LGR5: variants seen among roughly 807,000 people sequenced by gnomAD.
LGR5 encodes leucine-rich repeat-containing G protein-coupled receptor 5.
LGR5 carries 54 observed loss-of-function variants against 76.7 expected under a neutral mutation model. That is an observed-to-expected ratio of 0.70 (90% CI 0.57 to 0.88). The LOEUF (loss-of-function observed/expected upper bound fraction) is 0.88. Among genes scored for constraint, LGR5 ranks in the 40% least tolerant of loss-of-function variants. LGR5 has a pLI of 0.00. For synonymous variants in LGR5, 406 were observed against 421.9 expected (o/e 0.96, Z 0.46); for missense variants, 1,078 against 1,073.3 (o/e 1.00, Z -0.06).
chr12:71,473,936 G>A (rs1414412427), intron 1 of LGR5, among the ~76,000 whole-genome samples: 1 of 152,056 alleles, frequency 6.6e-6, no homozygotes, highest in Non-Finnish European at 1.5e-5. Context: ...TGCAACTTCA[G>A]CCTCTTAAAA....
intron 15 of LGR5, among the ~76,000 whole-genome samples, chr12:71,579,675 C>A (rs538191257): frequency 6.6e-6 from 1 of 152,140 alleles, no homozygotes; most frequent in East Asian, 1.9e-4. Context: ...TTTTAAAATG[C>A]CCAATTAAAT....
Position 71,504,622 on chromosome 12 carries a change from G to A in LGR5, c.221G>A (p.Ser74Asn), listed in dbSNP as rs760919653. 3 of 1,613,920 alleles carry A rather than the reference G, an allele frequency of 1.9e-6. No homozygotes were observed. The highest frequency in any genetic ancestry group is 2.2e-5 in the South Asian group (2 of 91,084). Residue 74 changes from serine (S) to asparagine (N), a missense_variant, in exon 2 of 18, where the codon AGT becomes AAT. Transcript: ENST00000266674. ...TCTGTTTTCCCCCCCAGAGACCTCA[G>A]TATGAACAACATCAGTCAGCTGCTC... ...LSVFTSYLDL[S>N]MNNISQLLPN...
intron 1 of LGR5, among the ~76,000 whole-genome samples, chr12:71,469,250 T>C (rs1565666833): frequency 6.6e-6 from 1 of 152,242 alleles, no homozygotes; most frequent in Non-Finnish European, 1.5e-5. Context: ...GGTAAAAATC[T>C]GAATGCAATT....
intron 2 of LGR5, among the ~76,000 whole-genome samples, chr12:71,511,235 GC>G (rs529639083): frequency 2.0e-4 from 31 of 152,296 alleles, no homozygotes; most frequent in African/African-American, 7.2e-4. Context: ...GATCTCTTTT[GC>G]CTTTGATTGC....
At chr12:71,469,223 A>G (rs1460542254) in intron 1 of LGR5, among the ~76,000 whole-genome samples, 1 of 152,242 alleles carries the variant, frequency 6.6e-6, no homozygotes, top group Non-Finnish European at 1.5e-5. Context: ...GATTATATTT[A>G]AAACATTTCT....
At chr12:71,483,901 T>C (rs1453150125) in intron 1 of LGR5, among the ~76,000 whole-genome samples, 1 of 152,124 alleles carries the variant, frequency 6.6e-6, no homozygotes, top group Non-Finnish European at 1.5e-5. Context: ...GGATGAATGA[T>C]AGGATGATGT....
rs1004004230 is a variant in LGR5 at position 71,440,855 on chromosome 12, C to T, written c.212+563C>T. ...CCCTTCCTTCCTCCCTTCTTCCTTCCTTCCCTCCCTCCTTTCTTTTTATTT... is the reference window on the plus strand; with the variant it reads ...CCCTTCCTTCCTCCCTTCTTCCTTCTTTCCCTCCCTCCTTTCTTTTTATTT... On this transcript the variant is annotated intron_variant, in intron 1 of 17. Coordinates refer to ENST00000266674, the MANE Select transcript of LGR5 (RefSeq NM_003667.4). This position sits in a 1 kb window ranked among gnomAD's most constrained non-coding sequence, Gnocchi z 5.3. Among the ~76,000 whole-genome samples the T allele has an allele frequency of 2.0e-5, 3 of 151,848 alleles. No individual in the cohort carries two copies. Among genetic ancestry groups the T allele is most frequent in the Non-Finnish European group, 4.4e-5 (3 of 67,966 alleles).
chr12:71,558,524 G>C (rs903978112), intron 6 of LGR5, among the ~76,000 whole-genome samples: 4 of 152,154 alleles, frequency 2.6e-5, no homozygotes, highest in Admixed American at 1.3e-4. Flanking sequence ...AATCAAAACA[G>C]AGCATCTGGA....
intron 7 of LGR5, 24 bp from the exon 8 acceptor site, chr12:71,561,757 T>A: frequency 6.7e-7 from 1 of 1,489,352 alleles, no homozygotes; most frequent in Non-Finnish European, 9.2e-7. Flanking sequence ...ACAGGATTTT[T>A]TATAATTTTT....
intron 2 of LGR5, among the ~76,000 whole-genome samples, chr12:71,522,047 GAGAGCATTTT>G (rs1436169389): frequency 2.0e-5 from 3 of 152,132 alleles, no homozygotes; most frequent in African/African-American, 7.2e-5. Context: ...GGAGTGAAAG[GAGAGCATTTT>G]AGGTGGAACA....
intron 5 of LGR5, among the ~76,000 whole-genome samples, chr12:71,553,571 G>A (rs1172823285): frequency 6.6e-6 from 1 of 152,198 alleles, no homozygotes; most frequent in South Asian, 2.1e-4. Context: ...AGGAGTCACC[G>A]CACTGTACAG....
intron 1 of LGR5, among the ~76,000 whole-genome samples, chr12:71,501,424 C>T (rs112116904): frequency 6.6e-6 from 1 of 152,192 alleles, no homozygotes; most frequent in Non-Finnish European, 1.5e-5. Flanking sequence ...ATTTTCCTCA[C>T]CTATAATGAG....
chr12:71,553,981 CTAG>C (rs1322127335), intron 5 of LGR5, among the ~76,000 whole-genome samples: 1 of 152,128 alleles, frequency 6.6e-6, no homozygotes, highest in Non-Finnish European at 1.5e-5. Flanking sequence ...ATCCCAGCTA[CTAG>C]GGAGGCTGAG....
intron 13 of LGR5, among the ~76,000 whole-genome samples, chr12:71,577,281 A>T (rs749633113): frequency 2.0e-4 from 30 of 152,106 alleles, no homozygotes; most frequent in Non-Finnish European, 4.3e-4. Context: ...AAAATGCTTT[A>T]CTCCTACTTA....
At chr12:71,575,153 T>C (rs1349549193) in intron 13 of LGR5, among the ~76,000 whole-genome samples, 2 of 152,154 alleles carry the variant, frequency 1.3e-5, no homozygotes, top group Non-Finnish European at 2.9e-5. Context: ...ATGAGTATAA[T>C]GAAGGTAATG....
At chr12:71,579,691 T>C (rs1226699667) in intron 15 of LGR5, among the ~76,000 whole-genome samples, 2 of 152,238 alleles carry the variant, frequency 1.3e-5, no homozygotes, top group Non-Finnish European at 2.9e-5. Context: ...TAAATTATTA[T>C]TGACTACAGT....
At chr12:71,497,973 C>T (rs1874410395) in intron 1 of LGR5, among the ~76,000 whole-genome samples, 1 of 152,026 alleles carries the variant, frequency 6.6e-6, no homozygotes, top group African/African-American at 2.4e-5. Flanking sequence ...TCATCTCCCT[C>T]ACAACAAATC....
chr12:71,550,542 C>T (rs1032919973), intron 4 of LGR5, among the ~76,000 whole-genome samples: 1 of 151,104 alleles, frequency 6.6e-6, no homozygotes, highest in East Asian at 1.9e-4. Context: ...CTCACTGCAG[C>T]GTCTGCCTCC....
intron 1 of LGR5, among the ~76,000 whole-genome samples, chr12:71,453,570 C>T (rs1381194242): frequency 6.6e-6 from 1 of 151,480 alleles, no homozygotes; most frequent in Non-Finnish European, 1.5e-5. Flanking sequence ...CCAGTATCAG[C>T]CGTTGATTTG....
Sources: allele counts gnomAD v4.1 joint callset (sites outside exome capture counted in the v4.1 genomes callset), GRCh38; gene constraint gnomAD v4.1.1; non-coding constraint Gnocchi (gnomAD v3.1); transcripts MANE v1.5; gene names NCBI Gene and HGNC (gene_info 2026-07-23, HGNC 2026-07-21).